The following PTPRA variants were observed in gnomAD, a reference collection of about 807,000 sequenced individuals.
PTPRA encodes receptor-type tyrosine-protein phosphatase alpha.
In PTPRA, 25 loss-of-function variants were observed where a neutral mutation model predicts 104.8. The observed-to-expected ratio is 0.24, with a 90% confidence interval of 0.17 to 0.33. The LOEUF (loss-of-function observed/expected upper bound fraction) is 0.33, where lower values mean the gene tolerates loss of function less well. Ranked by LOEUF, PTPRA falls within the 10% of genes least tolerant of loss-of-function variation. The pLI, the probability that PTPRA is intolerant of heterozygous loss-of-function variation, is 1.00. For synonymous variants in PTPRA, 323 were observed against 368.9 expected (o/e 0.88, Z 1.43); for missense variants, 765 against 1,015.3 (o/e 0.75, Z 3.35).
intron 1 of PTPRA, among the ~76,000 whole-genome samples, chr20:2,910,827 G>A (rs192973730): frequency 4.6e-5 from 7 of 150,828 alleles, no homozygotes; most frequent in African/African-American, 1.2e-4. Context: ...GGATGGTCTC[G>A]ATCTCCGGAC....
At chr20:2,923,731 A>G (rs1320648013) in intron 2 of PTPRA, among the ~76,000 whole-genome samples, 1 of 152,136 alleles carries the variant, frequency 6.6e-6, no homozygotes, top group Non-Finnish European at 1.5e-5. Context: ...CCCAGGAGAC[A>G]GAGGTTGCAG....
At chr20:2,977,424 T>C (rs569690608) in intron 6 of PTPRA, among the ~76,000 whole-genome samples, 3 of 152,058 alleles carry the variant, frequency 2.0e-5, no homozygotes, top group African/African-American at 7.2e-5. Context: ...GGCAGGTGGA[T>C]CACTTGAGCC....
rs138339923 is a variant in PTPRA, at chr20:2,978,754, C to T, written c.442+3513C>T. ...AACCATACTGTCTCTGTCTCATCTACTCAGCTCTGCCTTTGTAATGTAAAA... is the reference window on the plus strand; with the variant it reads ...AACCATACTGTCTCTGTCTCATCTATTCAGCTCTGCCTTTGTAATGTAAAA... On this transcript the variant is annotated intron_variant, in intron 6 of 23. Coordinates refer to ENST00000399903, the MANE Select transcript of PTPRA (RefSeq NM_001385305.1). 1.4e-3 allele frequency among the ~76,000 whole-genome samples: 219 copies of T among 152,264 alleles called. 2 individuals are homozygous for T. Among genetic ancestry groups the T allele is most frequent in the African/African-American group, 5.2e-3 (214 of 41,542 alleles).
chr20:2,901,723 T>C (rs966639573), intron 1 of PTPRA, among the ~76,000 whole-genome samples: 23 of 152,148 alleles, frequency 1.5e-4, no homozygotes, highest in African/African-American at 5.5e-4. Flanking sequence ...CAATATACAA[T>C]ACCTAAAACA....
chr20:2,924,476 T>G (rs184373095), intron 2 of PTPRA, among the ~76,000 whole-genome samples: 5 of 152,144 alleles, frequency 3.3e-5, no homozygotes, highest in Non-Finnish European at 1.5e-5. Context: ...AGGAACAAAC[T>G]ACCAGTAGAC....
At chr20:2,865,175 C>T in the PTPRA span, 9 of 1,614,054 alleles carry the variant, frequency 5.6e-6, no homozygotes, top group East Asian at 4.5e-5. This position sits in a 1 kb window ranked among gnomAD's most constrained non-coding sequence, Gnocchi z 5.2. Flanking sequence ...GCGGCTCCTA[C>T]GGCTGCAGCG....
intron 5 of PTPRA, among the ~76,000 whole-genome samples, chr20:2,968,507 T>TTTTTTTTTTTTTTTG (rs759599927): frequency 2.1e-5 from 3 of 145,182 alleles, no homozygotes; most frequent in African/African-American, 8.1e-5. Context: ...CTTTTTTTTT[T>TTTTTTTTTTTTTTTG]TTCTCAAATT....
chr20:2,948,808 T>C (rs144462754), intron 3 of PTPRA, among the ~76,000 whole-genome samples: 2,857 of 151,890 alleles, frequency 0.019, 28 homozygotes, highest in Non-Finnish European at 0.024. Context: ...AAAAATTAGC[T>C]GGGCGTGGTG....
intron 3 of PTPRA, 36 bp from the exon 4 acceptor site, chr20:2,964,236 A>G: frequency 1.3e-6 from 2 of 1,503,866 alleles, no homozygotes; most frequent in Non-Finnish European, 9.2e-7. Flanking sequence ...TCCTGATAAT[A>G]TAGGACCTCA....
At position 3,008,632 on chromosome 20, in the gene PTPRA, C is replaced by G. The variant is rs145775318; in HGVS notation, c.906+1212C>G. 5.6e-3 allele frequency among the ~76,000 whole-genome samples: 848 copies of G among 151,094 alleles called. 8 individuals carry two copies. The highest frequency in any genetic ancestry group is 0.019 in the African/African-American group (786 of 41,274). Reference sequence around the variant, plus strand: ...AAATCAGCCGGGCACGGTGGCACACCTGTAATCTCAGCACTTTGGGAGGCC... The same window carrying G: ...AAATCAGCCGGGCACGGTGGCACACGTGTAATCTCAGCACTTTGGGAGGCC... On this transcript the variant is annotated intron_variant, in intron 11 of 23. Transcript: ENST00000399903.
At chr20:2,946,762 C>T (rs907411902) in intron 2 of PTPRA, among the ~76,000 whole-genome samples, 7 of 151,740 alleles carry the variant, frequency 4.6e-5, no homozygotes, top group African/African-American at 1.7e-4. Flanking sequence ...GCAGGAGAAT[C>T]GCTTGAACCC....
chr20:2,897,906 C>CTTTTTTT (rs34328077), intron 1 of PTPRA, among the ~76,000 whole-genome samples: 21 of 83,720 alleles, frequency 2.5e-4, no homozygotes, highest in South Asian at 3.8e-4. Flanking sequence ...CCTCATCATT[C>CTTTTTTT]TTTTTTTTTT....
At chr20:2,882,058 C>T (rs1216315109) in intron 1 of PTPRA, among the ~76,000 whole-genome samples, 2 of 152,050 alleles carry the variant, frequency 1.3e-5, no homozygotes, top group African/African-American at 4.8e-5. Context: ...TCCTGCCCCA[C>T]CCCCAAAAGG....
Position 3,032,049 on chromosome 20 carries a change from G to T in PTPRA, c.1921-3536G>T, listed in dbSNP as rs1301064078. On this transcript the variant is annotated intron_variant, in intron 20 of 23. Transcript: ENST00000399903. ...TGCTATTGCTCTTTCTTTTCTTCCT[G>T]AAACCTCCAGCATCTGCTCTTGCCT... 2.0e-5 allele frequency among the ~76,000 whole-genome samples: 3 copies of T among 152,178 alleles called. No individual in the cohort carries two copies. In the South Asian group the frequency reaches 6.2e-4, roughly 32 times the overall value.
At chr20:2,892,678 C>T (rs549785672) in intron 1 of PTPRA, among the ~76,000 whole-genome samples, 1 of 152,286 alleles carries the variant, frequency 6.6e-6, no homozygotes, top group African/African-American at 2.4e-5. Flanking sequence ...CTAACTATGG[C>T]ATTCGGTAGG....
At chr20:2,938,936 G>A (rs1395867997) in intron 2 of PTPRA, among the ~76,000 whole-genome samples, 1 of 151,974 alleles carries the variant, frequency 6.6e-6, no homozygotes, top group East Asian at 1.9e-4. Context: ...CATGTTCCTG[G>A]TATAATGAGT....
chr20:3,002,397 G>A (rs1434889742), intron 9 of PTPRA, among the ~76,000 whole-genome samples: 1 of 147,980 alleles, frequency 6.8e-6, no homozygotes, highest in Admixed American at 6.8e-5. Context: ...CGCAGTCTTG[G>A]CTCACTGCAA....
At chr20:2,868,310 C>CTTTTTTTTTTTTTT in the PTPRA span, among the ~76,000 whole-genome samples, 19 of 104,156 alleles carry the variant, frequency 1.8e-4, no homozygotes, top group South Asian at 9.1e-4. Flanking sequence ...GACTCCACCT[C>CTTTTTTTTTTTTTT]TTTTTTTTTT....
At chr20:2,994,289 C>T (rs539902861) in intron 9 of PTPRA, among the ~76,000 whole-genome samples, 3 of 152,078 alleles carry the variant, frequency 2.0e-5, no homozygotes, top group Non-Finnish European at 4.4e-5. Flanking sequence ...TCTGAAATGA[C>T]CCAGGCCTAC....
Sources: allele counts gnomAD v4.1 joint callset (sites outside exome capture counted in the v4.1 genomes callset), GRCh38; gene constraint gnomAD v4.1.1; non-coding constraint Gnocchi (gnomAD v3.1); transcripts MANE v1.5; gene names NCBI Gene and HGNC (gene_info 2026-07-23, HGNC 2026-07-21).